TTC29: variants seen among roughly 807,000 people sequenced by gnomAD.
The protein encoded by TTC29 is tetratricopeptide repeat domain 29, also known as tetratricopeptide repeat protein 29.
A neutral mutation model predicts 58.1 loss-of-function variants in TTC29; 49 were observed. The observed-to-expected ratio is 0.84, with a 90% confidence interval of 0.67 to 1.07. TTC29 has a LOEUF of 1.07. Ranked by LOEUF, TTC29 falls within the 50% of genes least tolerant of loss-of-function variation. The pLI is 0.00. For synonymous variants in TTC29, 209 were observed against 196.8 expected, an observed-to-expected ratio of 1.06 and a Z score of -0.52; for missense variants, 582 against 555.6, an observed-to-expected ratio of 1.05 and a Z score of -0.48.
At chr4:146,730,408 G>C (rs1447949092) in intron 11 of TTC29, among the ~76,000 whole-genome samples, 1 of 152,178 alleles carries the variant, frequency 6.6e-6, no homozygotes, top group Admixed American at 6.6e-5. Context: ...AGGAATTCAA[G>C]AGAAAGCTTT....
chr4:146,865,447 T>G (rs942581573), intron 8 of TTC29, among the ~76,000 whole-genome samples: 1 of 152,120 alleles, frequency 6.6e-6, no homozygotes, highest in African/African-American at 2.4e-5. Flanking sequence ...CAAATACCAC[T>G]TGTTCTCACT....
chr4:146,907,543 A>T (rs1195254027), intron 5 of TTC29, among the ~76,000 whole-genome samples: 1 of 152,118 alleles, frequency 6.6e-6, no homozygotes, highest in African/African-American at 2.4e-5. Flanking sequence ...TTGTCACCCA[A>T]GCTGGAGCGC....
chr4:146,935,629 A>C (rs1406241224), intron 4 of TTC29, among the ~76,000 whole-genome samples: 1 of 152,158 alleles, frequency 6.6e-6, no homozygotes, highest in Non-Finnish European at 1.5e-5. Context: ...CTCACGGTAC[A>C]GCCGGCACTC....
intron 11 of TTC29, among the ~76,000 whole-genome samples, chr4:146,797,012 T>A (rs1749878204): frequency 6.6e-6 from 1 of 151,572 alleles, no homozygotes. Context: ...AAAAAAAAGG[T>A]CAAAATTAAA....
intron 9 of TTC29, among the ~76,000 whole-genome samples, chr4:146,829,334 A>T (rs1728011239): frequency 6.6e-6 from 1 of 152,212 alleles, no homozygotes. Flanking sequence ...TCAATAAAGG[A>T]TGTGGTTGAG....
chr4:146,945,097 G>A lies in TTC29; in HGVS notation c.-53-20C>T, dbSNP rs1257618308. 1 of 152,084 alleles carries A rather than the reference G, an allele frequency of 6.6e-6. No individual in the cohort carries two copies. The highest frequency in any genetic ancestry group is 1.9e-4 in the East Asian group (1 of 5,188). 9.4% of individuals were successfully genotyped at this position (152,084 alleles called of 1,614,324 possible). A position where few individuals can be genotyped will look rare whatever the true frequency, so the allele number is the denominator to read the frequency against. ...TTCAGCCTGAAAATCAGGAAGCAAA[G>A]AATAATAGCAAAGAAGAAAAATTTA... On this transcript the variant is annotated intron_variant, in intron 1 of 12. Transcript: ENST00000325106.
intron 7 of TTC29, among the ~76,000 whole-genome samples, chr4:146,873,991 T>C (rs1436579167): frequency 6.6e-6 from 1 of 152,194 alleles, no homozygotes; most frequent in African/African-American, 2.4e-5. Flanking sequence ...GGTAACAAAA[T>C]ATCTGTGCAT....
intron 11 of TTC29, among the ~76,000 whole-genome samples, chr4:146,776,065 C>G (rs1198758140): frequency 6.6e-6 from 1 of 152,178 alleles, no homozygotes; most frequent in Non-Finnish European, 1.5e-5. Flanking sequence ...CTTTCCTCAG[C>G]TTGATCAATT....
intron 11 of TTC29, among the ~76,000 whole-genome samples, chr4:146,758,510 C>T (rs1473585338): frequency 2.0e-5 from 3 of 152,062 alleles, no homozygotes; most frequent in Non-Finnish European, 4.4e-5. Flanking sequence ...ATATACAGAA[C>T]GTTTCATCCA....
intron 4 of TTC29, among the ~76,000 whole-genome samples, chr4:146,921,239 G>T (rs1734559859): frequency 6.6e-6 from 1 of 151,250 alleles, no homozygotes; most frequent in Non-Finnish European, 1.5e-5. Flanking sequence ...TGTATATAAA[G>T]ATCTTGTTTT....
intron 8 of TTC29, among the ~76,000 whole-genome samples, chr4:146,848,086 C>T (rs1226357636): frequency 6.6e-6 from 1 of 152,152 alleles, no homozygotes; most frequent in East Asian, 1.9e-4. Flanking sequence ...TGTAAAGCTA[C>T]AAAGTTTCTC....
chr4:146,755,200 A>G (rs921036116), intron 11 of TTC29, among the ~76,000 whole-genome samples: 17 of 152,206 alleles, frequency 1.1e-4, no homozygotes, highest in African/African-American at 4.1e-4. Flanking sequence ...ATTGAAAACT[A>G]TACAACACTG....
chr4:146,932,250 G>C (rs1485756604), intron 4 of TTC29, among the ~76,000 whole-genome samples: 3 of 152,086 alleles, frequency 2.0e-5, no homozygotes, highest in East Asian at 1.9e-4. Context: ...TTTCCTAGCA[G>C]GAAACAGGGG....
chr4:146,904,622 A>G (rs1295981752), intron 5 of TTC29, among the ~76,000 whole-genome samples: 2 of 152,188 alleles, frequency 1.3e-5, no homozygotes, highest in East Asian at 3.8e-4. Flanking sequence ...TGTCTTTTGT[A>G]TTTATGCTGA....
intron 8 of TTC29, among the ~76,000 whole-genome samples, chr4:146,836,201 T>C (rs1728498178): frequency 1.3e-5 from 2 of 152,164 alleles, no homozygotes; most frequent in Admixed American, 6.5e-5. Flanking sequence ...ACCTGTTATT[T>C]AGCTGCCAGT....
chr4:146,882,108 GA>G (rs1453169920), intron 6 of TTC29, among the ~76,000 whole-genome samples: 1 of 152,026 alleles, frequency 6.6e-6, no homozygotes, highest in Non-Finnish European at 1.5e-5. Flanking sequence ...ACTGATGATG[GA>G]AATAAAAGTT....
intron 11 of TTC29, among the ~76,000 whole-genome samples, chr4:146,771,568 T>C (rs1344987905): frequency 6.6e-6 from 1 of 152,128 alleles, no homozygotes; most frequent in Non-Finnish European, 1.5e-5. Context: ...GCTCTATCCA[T>C]ATTGCTGCAA....
chr4:146,707,564 T>C lies in TTC29; in HGVS notation c.1331-13A>G. 8 of 1,539,298 alleles carry C rather than the reference T, an allele frequency of 5.2e-6. No individual in the cohort carries two copies. Among genetic ancestry groups the C allele is most frequent in the Non-Finnish European group, 5.3e-6 (6 of 1,125,394 alleles). Reference sequence around the variant, plus strand: ...CCTCTAAACTCTTCTAAAAAAAAAATACACAAAGTTAATAGATTATCATGA... The same window carrying C: ...CCTCTAAACTCTTCTAAAAAAAAAACACACAAAGTTAATAGATTATCATGA... On this transcript the variant is annotated splice_polypyrimidine_tract_variant and intron_variant, in intron 11 of 12. Coordinates refer to ENST00000325106, the MANE Select transcript of TTC29 (RefSeq NM_031956.4).
chr4:146,862,964 T>C (rs938584102), intron 8 of TTC29, among the ~76,000 whole-genome samples: 1 of 151,506 alleles, frequency 6.6e-6, no homozygotes, highest in African/African-American at 2.4e-5. Flanking sequence ...GTACTAAAAA[T>C]ACAAAAAATT....
Sources: allele counts gnomAD v4.1 joint callset (sites outside exome capture counted in the v4.1 genomes callset), GRCh38; gene constraint gnomAD v4.1.1; transcripts MANE v1.5; gene names NCBI Gene and HGNC (gene_info 2026-07-23, HGNC 2026-07-21).